NPAS3: variants seen among roughly 807,000 people sequenced by gnomAD.
The protein encoded by NPAS3 is neuronal PAS domain-containing protein 3.
In NPAS3, 14 loss-of-function variants were observed where a neutral mutation model predicts 73.1. The ratio of observed to expected loss-of-function variants is 0.19; its 90% CI spans 0.13 to 0.30. The LOEUF is 0.30. NPAS3 is among the 10% of genes least tolerant of loss of function. The pLI is 1.00. For missense variants in NPAS3, 1,096 were observed against 1,250.0 expected, an observed-to-expected ratio of 0.88 and a Z score of 1.86; for synonymous variants, 620 against 541.5, an observed-to-expected ratio of 1.14 and a Z score of -2.01.
chr14:33,113,580 G>C (rs1441872163), intron 2 of NPAS3, among the ~76,000 whole-genome samples: 3 of 152,012 alleles, frequency 2.0e-5, no homozygotes, highest in Non-Finnish European at 1.5e-5. Flanking sequence ...GAGACAATAG[G>C]GTTTTCTAAA....
At chr14:33,328,210 G>A (rs1421081696) in intron 3 of NPAS3, among the ~76,000 whole-genome samples, 1 of 151,946 alleles carries the variant, frequency 6.6e-6, no homozygotes, top group East Asian at 1.9e-4. Flanking sequence ...CCTGAGCTGG[G>A]CCCCAAGGGA....
At chr14:33,168,806 G>A (rs1023805030) in intron 2 of NPAS3, among the ~76,000 whole-genome samples, 6 of 152,060 alleles carry the variant, frequency 3.9e-5, no homozygotes, top group Admixed American at 3.9e-4. Flanking sequence ...TCCCAACCAT[G>A]ATTTTTCTGT....
chr14:33,541,873 C>A (rs1467854050), intron 4 of NPAS3, among the ~76,000 whole-genome samples: 5 of 152,140 alleles, frequency 3.3e-5, no homozygotes, highest in Admixed American at 1.3e-4. Context: ...ATGTGCATAC[C>A]TGCCCACTCA....
intron 3 of NPAS3, among the ~76,000 whole-genome samples, chr14:33,365,457 C>T (rs977215184): frequency 6.6e-6 from 1 of 151,892 alleles, no homozygotes; most frequent in African/African-American, 2.4e-5. Flanking sequence ...TTGTAAAAAC[C>T]CTATGTCTAT....
downstream of NPAS3, chr14:33,802,376 TAAAAAAAAAAAAAAAGA>T (rs1434018329): frequency 2.5e-4 from 24 of 95,726 alleles, no homozygotes; most frequent in African/African-American, 7.3e-4. Context: ...GCACATTAAG[TAAAAAAAAAAAAAAAGA>T]AAAAAAAAAG....
intron 2 of NPAS3, among the ~76,000 whole-genome samples, chr14:33,096,476 G>C (rs1248511885): frequency 6.6e-6 from 1 of 152,174 alleles, no homozygotes; most frequent in South Asian, 2.1e-4. Context: ...ACACTAAAGA[G>C]AGGCAATGTG....
intron 2 of NPAS3, among the ~76,000 whole-genome samples, chr14:33,138,792 G>A (rs1328332472): frequency 2.0e-5 from 3 of 152,152 alleles, no homozygotes; most frequent in Admixed American, 6.6e-5. Context: ...TAAAAACAAC[G>A]GGGCTTCTTT....
intron 4 of NPAS3, among the ~76,000 whole-genome samples, chr14:33,437,949 T>C (rs907855343): frequency 9.9e-5 from 15 of 152,222 alleles, no homozygotes; most frequent in African/African-American, 3.1e-4. Flanking sequence ...ATTGTCTGTT[T>C]ATAGTTGTTA....
chr14:33,355,349 G>A (rs1039564247), intron 3 of NPAS3, among the ~76,000 whole-genome samples: 10 of 152,118 alleles, frequency 6.6e-5, no homozygotes, highest in Non-Finnish European at 1.5e-5. Context: ...CGCCCAGGCT[G>A]GAGTGCAGTG....
chr14:32,948,920 G>A (rs2036373845), intron 1 of NPAS3, among the ~76,000 whole-genome samples: 1 of 152,026 alleles, frequency 6.6e-6, no homozygotes, highest in African/African-American at 2.4e-5. Flanking sequence ...TAGGGCTCAG[G>A]TATGCAACTC....
At chr14:33,153,267 G>C (rs368841756) in intron 2 of NPAS3, among the ~76,000 whole-genome samples, 15 of 151,798 alleles carry the variant, frequency 9.9e-5, no homozygotes, top group African/African-American at 3.6e-4. Context: ...TTTTTCAGCT[G>C]TCTTGTAATC....
At chr14:33,422,471 C>T (rs186893156) in intron 4 of NPAS3, among the ~76,000 whole-genome samples, 32 of 152,020 alleles carry the variant, frequency 2.1e-4, no homozygotes, top group African/African-American at 7.7e-4. Context: ...AATTATATTT[C>T]TTCCTTACCA....
At chr14:33,516,792 G>A (rs756402383) in intron 4 of NPAS3, among the ~76,000 whole-genome samples, 1 of 152,062 alleles carries the variant, frequency 6.6e-6, no homozygotes, top group Admixed American at 6.6e-5. Flanking sequence ...TGATGATGAA[G>A]ATAAGAATTC....
intron 7 of NPAS3, among the ~76,000 whole-genome samples, chr14:33,741,157 T>C (rs2061646573): frequency 6.6e-6 from 1 of 152,166 alleles, no homozygotes. Context: ...CACCTGGATG[T>C]TTCTTCCTTA....
At chr14:33,755,485 C>T (rs927535284) in intron 7 of NPAS3, among the ~76,000 whole-genome samples, 9 of 152,104 alleles carry the variant, frequency 5.9e-5, no homozygotes, top group South Asian at 2.1e-4. Flanking sequence ...ACTACCATGA[C>T]GCCATCCCTG....
chr14:33,188,725 G>A (rs184055661), intron 2 of NPAS3, among the ~76,000 whole-genome samples: 101 of 152,192 alleles, frequency 6.6e-4, no homozygotes, highest in Middle Eastern at 3.4e-3. Flanking sequence ...TTTTAATACC[G>A]TAAAACTTTT....
At chr14:33,551,090 T>C (rs962205192) in intron 4 of NPAS3, among the ~76,000 whole-genome samples, 13 of 152,122 alleles carry the variant, frequency 8.5e-5, no homozygotes, top group African/African-American at 2.9e-4. Context: ...CATAGAAGGG[T>C]TTCATGGCCT....
At chr14:33,761,327 G>C (rs774329150) in intron 7 of NPAS3, among the ~76,000 whole-genome samples, 4 of 152,174 alleles carry the variant, frequency 2.6e-5, no homozygotes, top group African/African-American at 4.8e-5. Context: ...TCATTCAAAA[G>C]ACTGATCTGG....
rs1224168797 is a variant in NPAS3, at chr14:33,410,981, GT to G, written c.468+43716del. On this transcript the variant is annotated intron_variant, in intron 4 of 11. Coordinates refer to ENST00000356141, the Ensembl canonical transcript of NPAS3. ...TATTTTTATTCTAACTCTGCTCAGT[GT>G]TTGAGTCCTTGTGGCTTTCAATGAT... 1.1e-4 allele frequency among the ~76,000 whole-genome samples: 16 copies of G among 152,236 alleles called. 1 individual carries two copies. In the East Asian group the frequency reaches 2.1e-3, roughly 20 times the overall value.
Sources: gnomAD v4.1 joint callset for allele counts (sites outside exome capture counted in the v4.1 genomes callset) on GRCh38, gnomAD v4.1.1 for gene constraint, MANE v1.5 for transcripts, NCBI Gene and HGNC (gene_info 2026-07-23, HGNC 2026-07-21) for gene names.